Variants in WIPI1 observed in about 807,000 individuals in gnomAD.
WIPI1 encodes the protein WD repeat domain phosphoinositide-interacting protein 1.
WIPI1 carries 45 observed loss-of-function variants against 55.3 expected under a neutral mutation model. The observed-to-expected ratio is 0.81, with a 90% confidence interval of 0.64 to 1.04. The LOEUF is 1.04. Among genes scored for constraint, WIPI1 ranks in the 50% least tolerant of loss-of-function variants. The probability of loss-of-function intolerance (pLI) is 0.00; values close to 1 mark genes in which losing one functional copy is unlikely to be tolerated. For synonymous variants in WIPI1, 195 were observed against 217.6 expected (o/e 0.90, Z 0.92); for missense variants, 445 against 559.0 (o/e 0.80, Z 2.06).
intron 6 of WIPI1, among the ~76,000 whole-genome samples, chr17:68,435,139 G>A (rs2083720925): frequency 6.6e-6 from 1 of 151,704 alleles, no homozygotes; most frequent in African/African-American, 2.4e-5. Context: ...CCTGGGAGGC[G>A]GAGGTTGCAG....
intron 4 of WIPI1, among the ~76,000 whole-genome samples, chr17:68,438,220 C>G (rs1220571069): frequency 6.6e-6 from 1 of 150,880 alleles, no homozygotes; most frequent in Admixed American, 6.6e-5. Flanking sequence ...GGCTGAGCCC[C>G]GGAACCTTTA....
intron 5 of WIPI1, among the ~76,000 whole-genome samples, chr17:68,436,111 T>C (rs1600315662): frequency 6.6e-6 from 1 of 152,128 alleles, no homozygotes; most frequent in African/African-American, 2.4e-5. Context: ...TGGGACAGGG[T>C]GACACATTCA....
intron 12 of WIPI1, among the ~76,000 whole-genome samples, chr17:68,424,821 G>T (rs1020552486): frequency 1.3e-5 from 2 of 150,498 alleles, no homozygotes; most frequent in Non-Finnish European, 3.0e-5. Context: ...AGGCTGCAGC[G>T]AGCCGAGATC....
intron 5 of WIPI1, 120 bp from the exon 6 acceptor site, chr17:68,435,832 C>G: frequency 1.1e-6 from 1 of 906,176 alleles, no homozygotes; most frequent in Non-Finnish European, 1.8e-6. Context: ...GTCTCTTCCT[C>G]TGTCCCCCAG....
At chr17:68,429,212 T>C (rs1014330277) in intron 9 of WIPI1, among the ~76,000 whole-genome samples, 1 of 152,192 alleles carries the variant, frequency 6.6e-6, no homozygotes, top group African/African-American at 2.4e-5. Context: ...AGTGAACACA[T>C]TAGCTCCCTA....
At chr17:68,441,370 G>T (rs917776923) in intron 4 of WIPI1, among the ~76,000 whole-genome samples, 3 of 152,228 alleles carry the variant, frequency 2.0e-5, no homozygotes, top group African/African-American at 7.2e-5. Context: ...TGTAGTTTAT[G>T]AAGTCAAAAT....
In WIPI1 at chr17:68,457,469, C is replaced by T. The variant is rs2084677147; in HGVS notation, c.-48G>A. 1.4e-6 allele frequency: 2 copies of T among 1,379,568 alleles called. No homozygotes were observed. The highest frequency in any genetic ancestry group is 1.9e-6 in the Non-Finnish European group (2 of 1,067,530). The allele number at this position is 1,379,568 out of a possible 1,614,324, so 85.5% of individuals were successfully genotyped here. A position where few individuals can be genotyped will look rare whatever the true frequency, so the allele number is the denominator to read the frequency against. ...GCAGCTCGGAGCCGGCGACAGCCAC[C>T]TCAGCAGCCCGCCCGCGCCGGCTCC... On this transcript the variant is annotated 5_prime_UTR_variant, in exon 1 of 13. Transcript: ENST00000262139.
At chr17:68,436,767 C>T (rs983806173) in intron 4 of WIPI1, among the ~76,000 whole-genome samples, 5 of 152,078 alleles carry the variant, frequency 3.3e-5, no homozygotes, top group Non-Finnish European at 2.9e-5. Flanking sequence ...CACTTTGAGG[C>T]GGGCGGATCA....
chr17:68,426,249 C>CGGGGGGGGGGGGG, intron 11 of WIPI1, 74 bp from the exon 12 acceptor site: 1 of 776,014 alleles, frequency 1.3e-6, no homozygotes, highest in Non-Finnish European at 1.9e-6. Flanking sequence ...GGGTGGGGAG[C>CGGGGGGGGGGGGG]GGGGGCTCAA....
rs1378365888 is a variant in WIPI1 at position 68,425,945 on chromosome 17, A to AATACTAGAGCAGAGAATTAGT, written c.1293+109_1293+129dup. 2.0e-4 allele frequency: 144 copies of AATACTAGAGCAGAGAATTAGT among 716,806 alleles called. No individual in the cohort carries two copies. The African/African-American group carries it at 2.4e-3, about 12-fold the overall frequency. 44.4% of individuals were successfully genotyped at this position (716,806 alleles called of 1,614,324 possible). On this transcript the variant is annotated intron_variant, in intron 12 of 12. Coordinates refer to ENST00000262139, the MANE Select transcript of WIPI1 (RefSeq NM_017983.7). ...ACAACAAATATCCTATGGCTTTCCA[A>AATACTAGAGCAGAGAATTAGT]ATACTAGAGCAGAGAATTAGTTGTT... is the stretch of plus-strand genomic sequence containing the variant.
intron 4 of WIPI1, among the ~76,000 whole-genome samples, chr17:68,442,009 A>G (rs979446408): frequency 1.3e-5 from 2 of 152,196 alleles, no homozygotes; most frequent in Non-Finnish European, 2.9e-5. Context: ...TTCTTGAGAT[A>G]AAATCGATTC....
intron 8 of WIPI1, among the ~76,000 whole-genome samples, chr17:68,431,797 T>G (rs2083539069): frequency 6.6e-6 from 1 of 152,248 alleles, no homozygotes; most frequent in Admixed American, 6.5e-5. Flanking sequence ...CAGAACAGCT[T>G]GGAGGTTCTG....
chr17:68,448,022 G>C (rs1048370112), intron 3 of WIPI1, among the ~76,000 whole-genome samples: 2 of 150,386 alleles, frequency 1.3e-5, no homozygotes, highest in African/African-American at 4.9e-5. Context: ...AAGGGATTTT[G>C]GATCCTTATA....
chr17:68,441,963 T>C (rs1268688234), intron 4 of WIPI1, among the ~76,000 whole-genome samples: 1 of 152,216 alleles, frequency 6.6e-6, no homozygotes, highest in Non-Finnish European at 1.5e-5. Context: ...TTCTTTTATC[T>C]GAGACAGAGG....
At position 68,450,800 on chromosome 17, in the gene WIPI1, G is replaced by A; in HGVS notation, c.261C>T (p.His87=). 1 of 1,614,098 alleles carries A rather than the reference G, an allele frequency of 6.2e-7. No homozygotes were observed. Among genetic ancestry groups the A allele is most frequent in the Middle Eastern group, 1.7e-4 (1 of 6,060 alleles). Reference sequence around the variant, plus strand: ...TACAGATCTCTGTGCCTTTCTTGAAGTGATACACGTTCATCTGCCGTGGTT... The same window carrying A: ...TACAGATCTCTGTGCCTTTCTTGAAATGATACACGTTCATCTGCCGTGGTT... The part of the protein sequence containing the change: ...HTKPRQMNVY[H]FKKGTEICNY... Residue 87 remains histidine (H), a synonymous_variant, in exon 3 of 13, where the codon CAC becomes CAT. Transcript: ENST00000262139.
chr17:68,434,408 G>T (rs1195754557), intron 7 of WIPI1, 148 bp downstream of exon 7: 3 of 721,662 alleles, frequency 4.2e-6, no homozygotes, highest in African/African-American at 1.8e-5. Context: ...GTAAAGCCTG[G>T]GAGTCAATTA....
At chr17:68,437,012 A>ATGTGTGTGTGTGTG (rs1568637117) in intron 4 of WIPI1, among the ~76,000 whole-genome samples, 1,266 of 81,970 alleles carry the variant, frequency 0.015, 20 homozygotes, top group African/African-American at 0.057. Flanking sequence ...AAAAATATAT[A>ATGTGTGTGTGTGTG]TATATGTGTG....
rs7218158 is a variant in WIPI1, at chr17:68,423,114, C to T, written c.1294-1294G>A. On this transcript the variant is annotated intron_variant, in intron 12 of 12. Transcript: ENST00000262139. The surrounding 1 kb of genome is among the most constrained non-coding windows in gnomAD (Gnocchi z 4.4). ...TGTTTGTTCGTCACTACAAGAGAGG[C>T]GATTTTAACCAAGCTGAGACTCCAA... is the stretch of plus-strand genomic sequence containing the variant. Among the ~76,000 whole-genome samples, 9,808 of 152,110 alleles carry T rather than the reference C, an allele frequency of 0.064. 770 individuals are homozygous for T. The highest frequency in any genetic ancestry group is 0.18 in the African/African-American group (7,491 of 41,486).
Position 68,426,254 on chromosome 17 carries a change from G to GGGGGGGGGGGGGGGA in WIPI1, c.1193-80_1193-79insTCCCCCCCCCCCCCC. The GGGGGGGGGGGGGGGA allele has an allele frequency of 2.4e-6, 2 of 816,924 alleles. 1 individual carries two copies. The highest frequency in any genetic ancestry group is 3.9e-6 in the Non-Finnish European group (2 of 515,858). 50.6% of individuals were successfully genotyped at this position (816,924 alleles called of 1,614,324 possible). A position where few individuals can be genotyped will look rare whatever the true frequency, so the allele number is the denominator to read the frequency against. On this transcript the variant is annotated intron_variant, in intron 11 of 12. Coordinates refer to ENST00000262139, the MANE Select transcript of WIPI1 (RefSeq NM_017983.7). ...ATGACCTGGCGGGTGGGGAGCGGGG[G>GGGGGGGGGGGGGGGA]CTCAAATAAAGGGCAAAGGAAGCAA... is the stretch of plus-strand genomic sequence containing the variant.
Sources: gnomAD v4.1 joint callset for allele counts (sites outside exome capture counted in the v4.1 genomes callset) on GRCh38, gnomAD v4.1.1 for gene constraint, Gnocchi (gnomAD v3.1) non-coding constraint, MANE v1.5 for transcripts, NCBI Gene and HGNC (gene_info 2026-07-23, HGNC 2026-07-21) for gene names.